CPXM2: variants seen among roughly 807,000 people sequenced by gnomAD.
CPXM2 encodes the protein inactive carboxypeptidase-like protein X2.
CPXM2 carries 66 observed loss-of-function variants against 86.1 expected under a neutral mutation model. That is an observed-to-expected ratio of 0.77 (90% CI 0.63 to 0.94). CPXM2 has a LOEUF of 0.94. Ranked by LOEUF, CPXM2 falls within the 40% of genes least tolerant of loss-of-function variation. The probability of loss-of-function intolerance (pLI) is 0.00; values close to 1 mark genes in which losing one functional copy is unlikely to be tolerated. For missense variants in CPXM2, 948 were observed against 1,026.3 expected (o/e 0.92, Z 1.04); for synonymous variants, 388 against 400.2 (o/e 0.97, Z 0.36).
intron 2 of CPXM2, among the ~76,000 whole-genome samples, chr10:123,920,251 T>C (rs975993273): frequency 3.3e-5 from 5 of 152,168 alleles, no homozygotes; most frequent in African/African-American, 1.2e-4. Context: ...TTTTTAAAGT[T>C]CTCAAAGACA....
In CPXM2 at chr10:123,909,122, A is replaced by C. The variant is rs188785140; in HGVS notation, n.175-28813T>G. On this transcript the variant is annotated intron_variant and non_coding_transcript_variant, in intron 2 of 19. Coordinates refer to the CPXM2 transcript ENST00000368854. ...TGGCTGGGCACAGGCACACTCTGCC[A>C]TCAACCTCAGGCATAGCGGATCCCA... Among the ~76,000 whole-genome samples, 145 of 152,314 alleles carry C rather than the reference A, an allele frequency of 9.5e-4. 1 individual carries two copies. Among genetic ancestry groups the C allele is most frequent in the African/African-American group, 3.2e-3 (133 of 41,570 alleles).
At chr10:123,757,493 A>T in intron 11 of CPXM2, 141 bp from the exon 12 acceptor site, 1 of 708,058 alleles carries the variant, frequency 1.4e-6, no homozygotes, top group Non-Finnish European at 2.4e-6. Context: ...TCTACTATAG[A>T]CAAAAATTTG....
At chr10:123,756,620 G>T (rs925150149) in intron 12 of CPXM2, among the ~76,000 whole-genome samples, 1 of 137,728 alleles carries the variant, frequency 7.3e-6, no homozygotes, top group Non-Finnish European at 1.6e-5. Context: ...CCTAACCCCA[G>T]TATCTCAGAA....
At chr10:123,894,348 TC>T (rs1211934912), upstream of CPXM2, among the ~76,000 whole-genome samples, 1 of 152,002 alleles carries the variant, frequency 6.6e-6, no homozygotes. Context: ...AAGAAATGAG[TC>T]CCACTTATTA....
At chr10:123,764,164 A>C (rs930594353) in intron 10 of CPXM2, among the ~76,000 whole-genome samples, 3 of 152,038 alleles carry the variant, frequency 2.0e-5, no homozygotes, top group African/African-American at 7.2e-5. Context: ...TCAGCTTTTA[A>C]ATTTTCAACT....
chr10:123,803,780 G>A (rs1048516332), intron 4 of CPXM2, among the ~76,000 whole-genome samples: 5 of 152,034 alleles, frequency 3.3e-5, no homozygotes, highest in Non-Finnish European at 5.9e-5. Context: ...TCCTGCCTCA[G>A]CTTCCTAAGT....
At chr10:123,897,257 C>T (rs1159687344) in intron 2 of CPXM2, among the ~76,000 whole-genome samples, 2 of 152,118 alleles carry the variant, frequency 1.3e-5, no homozygotes, top group South Asian at 4.1e-4. Context: ...CACACCTCTG[C>T]ACTTCATTTA....
chr10:123,841,147 T>C (rs1848377575), intron 4 of CPXM2, among the ~76,000 whole-genome samples: 1 of 152,108 alleles, frequency 6.6e-6, no homozygotes, highest in Non-Finnish European at 1.5e-5. Context: ...AATTTGAAGA[T>C]TTCTTGTATA....
At chr10:123,808,358 A>AC (rs1377432972) in intron 4 of CPXM2, among the ~76,000 whole-genome samples, 1 of 138,530 alleles carries the variant, frequency 7.2e-6, no homozygotes, top group African/African-American at 3.1e-5. Flanking sequence ...TGGGCAAACA[A>AC]AAACAACAAC....
Position 123,780,122 on chromosome 10 carries a change from T to A in CPXM2, c.978+45A>T, listed in dbSNP as rs771296765. On this transcript the variant is annotated intron_variant, in intron 7 of 13. Transcript: ENST00000241305. Reference sequence around the variant, plus strand: ...GCTTATGGACACATAATATGTTGCTTTTTTGACAAATTCCTGGCATGAGGC... The same window carrying A: ...GCTTATGGACACATAATATGTTGCTATTTTGACAAATTCCTGGCATGAGGC... 2.3e-6 allele frequency: 3 copies of A among 1,308,462 alleles called. No homozygotes were observed. The Admixed American group carries it at 5.0e-5, about 22-fold the overall frequency. The allele number at this position is 1,308,462 out of a possible 1,614,324, so 81.1% of individuals were successfully genotyped here.
At chr10:123,748,235 G>T (rs1468720287) in intron 13 of CPXM2, among the ~76,000 whole-genome samples, 1 of 152,120 alleles carries the variant, frequency 6.6e-6, no homozygotes, top group Non-Finnish European at 1.5e-5. Flanking sequence ...TCTTTCGCTT[G>T]TGACAATCTG....
At chr10:123,769,039 G>A (rs1219722) in intron 8 of CPXM2, among the ~76,000 whole-genome samples, 148 of 152,304 alleles carry the variant, frequency 9.7e-4, no homozygotes, top group Non-Finnish European at 1.9e-3. Flanking sequence ...AGCACAAGCC[G>A]TAGCAATCAG....
chr10:123,936,022 C>G (rs1418216551), intron 2 of CPXM2, among the ~76,000 whole-genome samples: 1 of 982 alleles, frequency 1.0e-3, no homozygotes, highest in African/African-American at 4.9e-3. Context: ...ATCATCACCA[C>G]CACCAACACC....
chr10:123,838,116 G>A (rs948188575), intron 4 of CPXM2, among the ~76,000 whole-genome samples: 2 of 152,172 alleles, frequency 1.3e-5, no homozygotes, highest in Non-Finnish European at 2.9e-5. Flanking sequence ...TGAATTAGTA[G>A]ACATCCAGAG....
At chr10:123,895,121 C>CTTTTTTTTTT (rs869104432), upstream of CPXM2, among the ~76,000 whole-genome samples, 338 of 85,850 alleles carry the variant, frequency 3.9e-3, no homozygotes, top group Non-Finnish European at 4.4e-3. Context: ...TCTTTTTTTT[C>CTTTTTTTTTT]TTTTTTTTTT....
chr10:123,768,806 A>G (rs1846558169), intron 8 of CPXM2, 84 bp from the exon 9 acceptor site: 2 of 1,223,440 alleles, frequency 1.6e-6, no homozygotes, highest in Admixed American at 3.7e-5. Context: ...GTTGGGGGGA[A>G]AGTCTTGAAT....
Position 123,799,232 on chromosome 10 carries a change from C to T in CPXM2, c.654-33G>A, listed in dbSNP as rs541045500. 3.3e-4 allele frequency: 539 copies of T among 1,611,304 alleles called. 10 individuals are homozygous for T. In the South Asian group the frequency reaches 5.6e-3, roughly 17 times the overall value. The stretch of plus-strand genomic sequence containing the variant: ...AAAATAAAACATCATTAGGACTACA[C>T]ACTTTAAAATGTTTGTTCTTCCATG... On this transcript the variant is annotated intron_variant, in intron 4 of 13. Transcript: ENST00000241305.
At chr10:123,930,212 T>C (rs985470587) in intron 2 of CPXM2, among the ~76,000 whole-genome samples, 11 of 152,194 alleles carry the variant, frequency 7.2e-5, no homozygotes, top group Admixed American at 5.9e-4. Flanking sequence ...ACGTGGGCCC[T>C]GTAAGGCAAT....
intron 3 of CPXM2, among the ~76,000 whole-genome samples, chr10:123,850,718 T>C (rs1183770364): frequency 1.3e-5 from 2 of 152,142 alleles, no homozygotes; most frequent in East Asian, 3.8e-4. Context: ...AGATGAAAGG[T>C]CTCAACTTAA....
Sources: allele counts gnomAD v4.1 joint callset (sites outside exome capture counted in the v4.1 genomes callset), GRCh38; gene constraint gnomAD v4.1.1; transcripts MANE v1.5; gene names NCBI Gene and HGNC (gene_info 2026-07-23, HGNC 2026-07-21).